Variants in AGBL4 observed in about 807,000 individuals in gnomAD.
AGBL4 encodes the protein cytosolic carboxypeptidase 6.
In AGBL4, 58 loss-of-function variants were observed where a neutral mutation model predicts 66.4. The ratio of observed to expected loss-of-function variants is 0.87; its 90% CI spans 0.71 to 1.09. AGBL4 has a LOEUF of 1.09. AGBL4 is among the 50% of genes least tolerant of loss of function. The pLI is 0.00. For synonymous variants in AGBL4, 234 were observed against 222.9 expected (o/e 1.05, Z -0.44); for missense variants, 579 against 631.0 (o/e 0.92, Z 0.88).
intron 3 of AGBL4, among the ~76,000 whole-genome samples, chr1:49,480,451 GT>G (rs1646933067): frequency 6.6e-6 from 1 of 150,756 alleles, no homozygotes; most frequent in Admixed American, 6.6e-5. Context: ...AGAAGTATCT[GT>G]TCATGTCCTT....
chr1:49,446,753 T>C (rs924848733), intron 3 of AGBL4, among the ~76,000 whole-genome samples: 1 of 152,020 alleles, frequency 6.6e-6, no homozygotes, highest in African/African-American at 2.4e-5. Flanking sequence ...CAAGCTCAGA[T>C]TGAGGAAATA....
intron 1 of AGBL4, among the ~76,000 whole-genome samples, chr1:49,970,627 T>C (rs1311767065): frequency 1.4e-5 from 2 of 143,594 alleles, no homozygotes; most frequent in Non-Finnish European, 3.0e-5. Flanking sequence ...ACCAAGGAGG[T>C]GGAGGTTGTA....
chr1:49,346,603 C>T (rs527479530), intron 3 of AGBL4, among the ~76,000 whole-genome samples: 2 of 152,250 alleles, frequency 1.3e-5, no homozygotes, highest in African/African-American at 4.8e-5. Context: ...CAGATTTCAC[C>T]TTTTGTTGGG....
At chr1:49,955,905 T>C (rs2148332740) in intron 1 of AGBL4, among the ~76,000 whole-genome samples, 1 of 152,030 alleles carries the variant, frequency 6.6e-6, no homozygotes, top group East Asian at 1.9e-4. Flanking sequence ...GCATTATTTA[T>C]TCCCATTAGA....
intron 5 of AGBL4, among the ~76,000 whole-genome samples, chr1:48,995,515 T>A (rs1454596030): frequency 6.6e-6 from 1 of 152,214 alleles, no homozygotes; most frequent in African/African-American, 2.4e-5. Flanking sequence ...TGTCTTAAAT[T>A]AGTAAACAAA....
chr1:48,847,399 C>CA (rs11413755), intron 6 of AGBL4, among the ~76,000 whole-genome samples: 71,027 of 125,940 alleles, frequency 0.56, 19,445 homozygotes, highest in Non-Finnish European at 0.68. Context: ...AGAAATGAGG[C>CA]AAAAAAAAAA....
chr1:49,485,377 T>G (rs1647043719), intron 3 of AGBL4, among the ~76,000 whole-genome samples: 1 of 146,454 alleles, frequency 6.8e-6, no homozygotes, highest in South Asian at 2.1e-4. Context: ...AAACACCGCA[T>G]GTTCTCACTC....
intron 4 of AGBL4, among the ~76,000 whole-genome samples, chr1:49,124,433 C>CAAT (rs1193252265): frequency 1.3e-5 from 2 of 152,168 alleles, no homozygotes; most frequent in Non-Finnish European, 2.9e-5. Context: ...TCATCAGCTG[C>CAAT]TATTGGATAA....
chr1:49,792,087 C>T (rs199921445), intron 2 of AGBL4, among the ~76,000 whole-genome samples: 2 of 152,166 alleles, frequency 1.3e-5, no homozygotes, highest in African/African-American at 2.4e-5. Flanking sequence ...AGCAGCATCA[C>T]GGACATATTC....
chr1:49,329,581 G>C (rs962017787), intron 3 of AGBL4, among the ~76,000 whole-genome samples: 8 of 151,948 alleles, frequency 5.3e-5, no homozygotes, highest in African/African-American at 1.9e-4. Context: ...CATGAGAATT[G>C]CTTGAACCCA....
At chr1:49,281,337 C>T (rs989600794) in intron 3 of AGBL4, among the ~76,000 whole-genome samples, 2 of 152,094 alleles carry the variant, frequency 1.3e-5, no homozygotes, top group Non-Finnish European at 2.9e-5. Flanking sequence ...GACAATGACT[C>T]GAGAGAGCAA....
chr1:48,725,577 A>G (rs988258816), intron 6 of AGBL4, among the ~76,000 whole-genome samples: 1 of 152,206 alleles, frequency 6.6e-6, no homozygotes, highest in African/African-American at 2.4e-5. Flanking sequence ...TTACGTGACT[A>G]GATTCTCAGC....
At chr1:49,656,432 G>T (rs1443305780) in intron 3 of AGBL4, among the ~76,000 whole-genome samples, 1 of 152,054 alleles carries the variant, frequency 6.6e-6, no homozygotes, top group Non-Finnish European at 1.5e-5. Context: ...CAGGTACAAG[G>T]AGGAGCTGGT....
At chr1:49,306,462 C>T (rs1368346502) in intron 3 of AGBL4, among the ~76,000 whole-genome samples, 1 of 152,166 alleles carries the variant, frequency 6.6e-6, no homozygotes, top group Admixed American at 6.5e-5. Context: ...ATTATTCTTT[C>T]TCTTCAATAA....
At chr1:48,627,027 G>A (rs1454516534) in intron 9 of AGBL4, among the ~76,000 whole-genome samples, 1 of 152,030 alleles carries the variant, frequency 6.6e-6, no homozygotes, top group Admixed American at 6.5e-5. Context: ...GGGTGTATGA[G>A]GGGTATCCTT....
intron 2 of AGBL4, among the ~76,000 whole-genome samples, chr1:49,821,935 C>T (rs777334169): frequency 6.6e-6 from 1 of 151,632 alleles, no homozygotes; most frequent in Non-Finnish European, 1.5e-5. Context: ...TTTTTCAATC[C>T]CAAATACAGA....
At chr1:48,858,765 C>T (rs1054832580) in intron 6 of AGBL4, among the ~76,000 whole-genome samples, 1 of 151,964 alleles carries the variant, frequency 6.6e-6, no homozygotes, top group Non-Finnish European at 1.5e-5. Flanking sequence ...GTAATGGTTG[C>T]ACAACTGTGT....
chr1:49,531,605 TATC>T (rs1185904558), intron 3 of AGBL4, among the ~76,000 whole-genome samples: 3 of 152,166 alleles, frequency 2.0e-5, no homozygotes, highest in Non-Finnish European at 2.9e-5. Context: ...ATTTTATAGA[TATC>T]ATATTGTCAT....
At chr1:49,450,476 A>G (rs1431707894) in intron 3 of AGBL4, among the ~76,000 whole-genome samples, 2 of 152,110 alleles carry the variant, frequency 1.3e-5, no homozygotes, top group African/African-American at 4.8e-5. Context: ...AAGTGGCTAT[A>G]GTTCCCATAG....
Sources: gnomAD v4.1 joint callset for allele counts (sites outside exome capture counted in the v4.1 genomes callset) on GRCh38, gnomAD v4.1.1 for gene constraint, MANE v1.5 for transcripts, NCBI Gene and HGNC (gene_info 2026-07-23, HGNC 2026-07-21) for gene names.